The following NBEAL2 variants were observed in gnomAD, a reference collection of about 807,000 sequenced individuals.
NBEAL2 encodes neurobeachin like 2.
NBEAL2 carries 160 observed loss-of-function variants against 299.8 expected under a neutral mutation model. That is an observed-to-expected ratio of 0.53 (90% confidence interval 0.47 to 0.61). The LOEUF (loss-of-function observed/expected upper bound fraction) is 0.61. NBEAL2 is among the 20% of genes least tolerant of loss of function. The probability of loss-of-function intolerance (pLI) is 0.00; values close to 1 mark genes in which losing one functional copy is unlikely to be tolerated. For missense variants in NBEAL2, 3,112 were observed against 3,649.0 expected (o/e 0.85, Z 3.79); for synonymous variants, 1,493 against 1,542.3 (o/e 0.97, Z 0.75).
rs1423595103 is a variant in NBEAL2 at position 47,009,507 on chromosome 3, T to C, written c.*187T>C. 4 of 634,630 alleles carry C rather than the reference T, an allele frequency of 6.3e-6. No homozygotes were observed. The South Asian group carries it at 7.8e-5, about 12-fold the overall frequency. The allele number at this position is 634,630 out of a possible 1,614,324, so 39.3% of individuals were successfully genotyped here. ...GATTGGCGGGCGGAAGTCCCGCCCC[T>C]CGCCGGCTGAGGGGCCGCCCTGAGG... On this transcript the variant is annotated 3_prime_UTR_variant, in exon 54 of 54. Transcript: ENST00000450053.
chr3:46,992,433 T>G, intron 9 of NBEAL2, 42 bp from the exon 10 acceptor site: 1 of 1,547,336 alleles, frequency 6.5e-7, no homozygotes, highest in Non-Finnish European at 8.8e-7. Flanking sequence ...TCCTCCTCTC[T>G]TCTTTGCCTC....
At chr3:47,006,723 A>G (rs916035192) in intron 45 of NBEAL2, among the ~76,000 whole-genome samples, 1 of 152,146 alleles carries the variant, frequency 6.6e-6, no homozygotes, top group Non-Finnish European at 1.5e-5. Flanking sequence ...CTTCCTAGAC[A>G]GGAACATTCC....
rs2036606297 is a variant in NBEAL2, at chr3:46,997,700, G to A, written c.2958+6G>A. ...TCGGGGCCCTCCTGCGAAAGGTGGG[G>A]CCCGGTGGGACAGGCATGGGGGTTA... On this transcript the variant is annotated splice_donor_region_variant and intron_variant, in intron 20 of 53. Coordinates refer to ENST00000450053, the MANE Select transcript of NBEAL2 (RefSeq NM_015175.3). The A allele has an allele frequency of 6.6e-7, 1 of 1,515,038 alleles. No individual in the cohort carries two copies. Among genetic ancestry groups the A allele is most frequent in the Non-Finnish European group, 8.9e-7 (1 of 1,128,766 alleles). The allele number at this position is 1,515,038 out of a possible 1,614,324, so 93.8% of individuals were successfully genotyped here. A position where few individuals can be genotyped will look rare whatever the true frequency, so the allele number is the denominator to read the frequency against.
chr3:46,998,434 GC>G (rs772426019), intron 21 of NBEAL2, 28 bp from the exon 22 acceptor site: 1 of 1,592,704 alleles, frequency 6.3e-7, no homozygotes, highest in East Asian at 2.3e-5. Flanking sequence ...CAGCCTAGTG[GC>G]CTGAGCCCTC....
intron 45 of NBEAL2, 65 bp downstream of exon 45, chr3:47,006,514 C>A: frequency 1.4e-6 from 2 of 1,415,624 alleles, no homozygotes; most frequent in Non-Finnish European, 2.0e-6. Context: ...CTGTCCTTAC[C>A]AACCACGTGG....
Position 46,998,584 on chromosome 3 carries a change from G to A in NBEAL2, c.3221+19G>A. 6.2e-7 allele frequency: 1 copy of A among 1,601,378 alleles called. No homozygotes were observed. Among genetic ancestry groups the A allele is most frequent in the Non-Finnish European group, 8.5e-7 (1 of 1,174,250 alleles). The stretch of plus-strand genomic sequence containing the variant: ...ACTACAGGTGAGGCCAGTGGGGCCA[G>A]ATGGGCCATGGGGGGCTGACACAGT... On this transcript the variant is annotated intron_variant, in intron 22 of 53. Coordinates refer to ENST00000450053, the MANE Select transcript of NBEAL2 (RefSeq NM_015175.3).
chr3:47,005,837 G>A lies in NBEAL2; in HGVS notation c.6791G>A (p.Arg2264His), dbSNP rs369069276. The change falls in exon 42 of 54, where the codon CGC becomes CAC. Residue 2264 changes from arginine to histidine, a missense_variant. Arg to His is a conservative substitution (Grantham distance 29). Coordinates refer to ENST00000450053, the MANE Select transcript of NBEAL2 (RefSeq NM_015175.3). ...CCTGAGGACTTCATCCAGCAGCACC[G>A]CCAGGCTCTGGTGAGGAAGGAACCA... is the stretch of plus-strand genomic sequence containing the variant. ...SSPEDFIQQH[R>H]QALESEYVSA... The A allele has an allele frequency of 9.3e-6, 15 of 1,613,174 alleles. No homozygotes were observed. Among genetic ancestry groups the A allele is most frequent in the African/African-American group, 2.7e-5 (2 of 74,904 alleles).
intron 26 of NBEAL2, 65 bp downstream of exon 26, chr3:46,999,780 C>A: frequency 6.3e-7 from 1 of 1,591,054 alleles, no homozygotes. Context: ...GGCCTTCCAC[C>A]TTGCCTGTCT....
rs1469895607 is a variant in NBEAL2, at chr3:47,009,236, C to A, written c.8181C>A (p.Phe2727Leu). 3 of 1,599,272 alleles carry A rather than the reference C, an allele frequency of 1.9e-6. No homozygotes were observed. Among genetic ancestry groups the A allele is most frequent in the African/African-American group, 2.7e-5 (2 of 74,642 alleles). ...CCCACCAGGTGCGCAGCAGCCAGTTCGCGCGGAAGCTGTGGCGGTCCTCGC... is the reference window on the plus strand; with the variant it reads ...CCCACCAGGTGCGCAGCAGCCAGTTAGCGCGGAAGCTGTGGCGGTCCTCGC... ...GQPSEVRSSQ[F>L]ARKLWRSSRR... The change falls in exon 54 of 54, where the codon TTC becomes TTA. Residue 2727 changes from phenylalanine (F) to leucine (L), a missense_variant. By Grantham distance (22) the Phe-to-Leu change is conservative (BLOSUM62 0). Around this residue, in one of 3 missense-constraint regions of NBEAL2, gnomAD observed 348 missense variants for 381.4 expected, o/e 0.91. Transcript: ENST00000450053.
chr3:46,983,014 C>T (rs2035450078), intron 1 of NBEAL2, among the ~76,000 whole-genome samples: 1 of 152,142 alleles, frequency 6.6e-6, no homozygotes. Context: ...TGATGTTCAG[C>T]AACCCCTCCA....
rs2036899801 is a variant in NBEAL2, at chr3:47,000,551, A to T, written c.4305+147A>T. On this transcript the variant is annotated intron_variant, in intron 27 of 53. Coordinates refer to ENST00000450053, the MANE Select transcript of NBEAL2 (RefSeq NM_015175.3). The surrounding 1 kb of genome is among the most constrained non-coding windows in gnomAD (Gnocchi z 4.5). ...GTCAGGCCTATTGCTGTCCCCTCAT[A>T]GCTCTCATCTGCAGTTGTGTTCCCA... The T allele has an allele frequency of 1.9e-6, 2 of 1,061,904 alleles. No homozygotes were observed. The highest frequency in any genetic ancestry group is 3.2e-5 in the African/African-American group (2 of 62,300). 65.8% of individuals were successfully genotyped at this position (1,061,904 alleles called of 1,614,324 possible).
In NBEAL2 at chr3:47,009,640, C is replaced by T. The variant is rs1413041893; in HGVS notation, c.*320C>T. ...TCAAAGCACGAGGGCCGCCTGTGGC[C>T]TTAATTCCTAACGGCGGCCCCGGTT... On this transcript the variant is annotated 3_prime_UTR_variant, in exon 54 of 54. Coordinates refer to ENST00000450053, the MANE Select transcript of NBEAL2 (RefSeq NM_015175.3). 7.6e-6 allele frequency: 3 copies of T among 395,252 alleles called. No individual in the cohort carries two copies. Among genetic ancestry groups the T allele is most frequent in the East Asian group, 4.6e-5 (1 of 21,660 alleles). 24.5% of individuals were successfully genotyped at this position (395,252 alleles called of 1,614,324 possible). A position where few individuals can be genotyped will look rare whatever the true frequency, so the allele number is the denominator to read the frequency against.
At chr3:46,983,013 G>A (rs2035449811) in intron 1 of NBEAL2, among the ~76,000 whole-genome samples, 1 of 152,162 alleles carries the variant, frequency 6.6e-6, no homozygotes, top group South Asian at 2.1e-4. Context: ...GTGATGTTCA[G>A]CAACCCCTCC....
Position 47,009,526 on chromosome 3 carries a change from C to T in NBEAL2, c.*206C>T, listed in dbSNP as rs562506281. 8.4e-6 allele frequency: 5 copies of T among 591,784 alleles called. No homozygotes were observed. Among genetic ancestry groups the T allele is most frequent in the East Asian group, 3.0e-5 (1 of 33,234 alleles). The allele number at this position is 591,784 out of a possible 1,614,324, so 36.7% of individuals were successfully genotyped here. On this transcript the variant is annotated 3_prime_UTR_variant, in exon 54 of 54. Coordinates refer to ENST00000450053, the MANE Select transcript of NBEAL2 (RefSeq NM_015175.3). ...CGCCCCTCGCCGGCTGAGGGGCCGC[C>T]CTGAGGGCCAGCACTGGCGTCTGCG...
chr3:46,999,708 G>T lies in NBEAL2; in HGVS notation c.3782G>T (p.Cys1261Phe), dbSNP rs1374091838. 2 of 1,613,126 alleles carry T rather than the reference G, an allele frequency of 1.2e-6. No homozygotes were observed. The highest frequency in any genetic ancestry group is 1.7e-6 in the Non-Finnish European group (2 of 1,179,724). Residue 1261 changes from cysteine (C) to phenylalanine (F), a missense_variant, in exon 26 of 54, where the codon TGT (cysteine) becomes TTT (phenylalanine). Transcript: ENST00000450053. ...GACCTCAGCGTTCGCCTAGACATCT[G>T]TCGCCAGGTGAGCATGAGAGGTAAA... ...QADLSVRLDI[C>F]RQLFHLIYGQ...
rs2037452013 is a variant in NBEAL2 at position 47,006,450 on chromosome 3, G to A, written c.7134+1G>A. 1 of 1,569,848 alleles carries A rather than the reference G, an allele frequency of 6.4e-7. No homozygotes were observed. On this transcript the variant is annotated splice_donor_variant, in intron 45 of 53. Transcript: ENST00000450053. LOFTEE classifies it high-confidence loss of function. ...CGAACTCAAGGCATTCTTCGCAGAG[G>A]TGAAAGGAAGACAAGACCTCAACTT...
chr3:47,000,488 A>C lies in NBEAL2; in HGVS notation c.4305+84A>C, dbSNP rs2036895106. On this transcript the variant is annotated intron_variant, in intron 27 of 53. Transcript: ENST00000450053. This position sits in a 1 kb window ranked among gnomAD's most constrained non-coding sequence, Gnocchi z 4.5. ...ACAGGGCTGGCAGTGTAGCCTCTCC[A>C]AAGGTGTGGCCCTGTCTGACCAGGG... 2.7e-6 allele frequency: 4 copies of C among 1,500,358 alleles called. No homozygotes were observed. In the East Asian group the frequency reaches 9.1e-5, roughly 34 times the overall value. The allele number at this position is 1,500,358 out of a possible 1,614,324, so 92.9% of individuals were successfully genotyped here.
chr3:46,996,648 G>A (rs1189907799), intron 16 of NBEAL2, 56 bp downstream of exon 16: 8 of 1,523,596 alleles, frequency 5.3e-6, no homozygotes, highest in Admixed American at 4.1e-5. Flanking sequence ...AGGGGTCCGG[G>A]GGGAGAAGGC....
chr3:46,984,136 T>TA (rs1553655110), intron 1 of NBEAL2, among the ~76,000 whole-genome samples: 29 of 15,426 alleles, frequency 1.9e-3, no homozygotes, highest in African/African-American at 2.6e-3. Flanking sequence ...CCATCTCTAC[T>TA]AAAAAAAAAA....
Sources: allele counts gnomAD v4.1 joint callset (sites outside exome capture counted in the v4.1 genomes callset), GRCh38; gene constraint gnomAD v4.1.1; regional missense constraint gnomAD v4.1.1; non-coding constraint Gnocchi (gnomAD v3.1); transcripts MANE v1.5; gene names NCBI Gene and HGNC (gene_info 2026-07-23, HGNC 2026-07-21).